The following EML5 variants were observed in gnomAD, a reference collection of about 807,000 sequenced individuals.
EML5 encodes the protein EMAP like 5, also known as echinoderm microtubule-associated protein-like 5.
EML5 carries 120 observed loss-of-function variants against 250.0 expected under a neutral mutation model. That is an observed-to-expected ratio of 0.48 (90% CI 0.41 to 0.56). The LOEUF (loss-of-function observed/expected upper bound fraction) is 0.56, where lower values mean the gene tolerates loss of function less well. Among genes scored for constraint, EML5 ranks in the 20% least tolerant of loss-of-function variants. The pLI is 0.00. For synonymous variants in EML5, 771 were observed against 806.5 expected (o/e 0.96, Z 0.75); for missense variants, 2,006 against 2,437.6 (o/e 0.82, Z 3.73).
intron 21 of EML5, among the ~76,000 whole-genome samples, chr14:88,680,315 G>C (rs2092690436): frequency 6.6e-6 from 1 of 151,770 alleles, no homozygotes; most frequent in African/African-American, 2.4e-5. Context: ...TATCTCAGGA[G>C]AAAAAAACAG....
Position 88,646,880 on chromosome 14 carries a change from A to G in EML5, c.4028+67T>C, listed in dbSNP as rs375374450. 1.5e-4 allele frequency: 234 copies of G among 1,523,148 alleles called. No homozygotes were observed. The African/African-American group carries it at 2.9e-3, about 19-fold the overall frequency. 94.4% of individuals were successfully genotyped at this position (1,523,148 alleles called of 1,614,324 possible). ...AACACTAAGTAACAGTATCCCATTA[A>G]TGCTAAATATGGAAGATGACAAAAA... On this transcript the variant is annotated intron_variant, in intron 29 of 43. Coordinates refer to ENST00000554922, the MANE Select transcript of EML5 (RefSeq NM_183387.3).
intron 4 of EML5, among the ~76,000 whole-genome samples, chr14:88,743,398 CA>C (rs557573283): frequency 1.8e-4 from 26 of 148,234 alleles, no homozygotes; most frequent in Non-Finnish European, 2.7e-4. Flanking sequence ...CATTATTTGT[CA>C]AAAAAAAAAT....
chr14:88,739,073 GA>G (rs1313721556), intron 5 of EML5, 59 bp from the exon 6 acceptor site: 1 of 1,480,788 alleles, frequency 6.8e-7, no homozygotes, highest in African/African-American at 1.4e-5. Flanking sequence ...TCTACTATAT[GA>G]AGGTAGAAAC....
chr14:88,705,630 T>C (rs766194649), intron 11 of EML5, 42 bp from the exon 12 acceptor site: 11 of 1,435,536 alleles, frequency 7.7e-6, no homozygotes, highest in Non-Finnish European at 1.0e-5. Flanking sequence ...TTAAAGAAGA[T>C]TCATTTTCAA....
At chr14:88,745,077 G>A (rs1178169644) in intron 3 of EML5, among the ~76,000 whole-genome samples, 3 of 151,934 alleles carry the variant, frequency 2.0e-5, no homozygotes, top group Non-Finnish European at 4.4e-5. Context: ...AAATAGTCAT[G>A]TGCAAAATGC....
At chr14:88,760,979 T>C (rs1041305219) in intron 1 of EML5, among the ~76,000 whole-genome samples, 2 of 152,196 alleles carry the variant, frequency 1.3e-5, no homozygotes, top group African/African-American at 4.8e-5. Context: ...ATATAACTAA[T>C]TTACGTATGT....
chr14:88,708,430 T>C (rs561143299), intron 10 of EML5, among the ~76,000 whole-genome samples: 3 of 152,306 alleles, frequency 2.0e-5, no homozygotes, highest in South Asian at 2.1e-4. Flanking sequence ...CAGTGGTGTC[T>C]TGTTTAATAT....
At position 88,726,582 on chromosome 14, in the gene EML5, G is replaced by A. The variant is rs372933962; in HGVS notation, c.1146C>T (p.Ala382=). Residue 382 remains alanine (A), a synonymous_variant, in exon 8 of 44, where the codon GCC becomes GCT. Coordinates refer to ENST00000554922, the MANE Select transcript of EML5 (RefSeq NM_183387.3). ...AAVNADGIHL[A]LGMKDGSFTV... ...TGAATGAGCCATCCTTCATTCCAAG[G>A]GCAAGATGGATTCCATCTGCATTGA... is the stretch of plus-strand genomic sequence containing the variant. 1.1e-5 allele frequency: 17 copies of A among 1,602,530 alleles called. No individual in the cohort carries two copies. Among genetic ancestry groups the A allele is most frequent in the Middle Eastern group, 1.6e-4 (1 of 6,064 alleles).
chr14:88,717,473 A>G (rs910686114), intron 8 of EML5, among the ~76,000 whole-genome samples: 1 of 152,278 alleles, frequency 6.6e-6, no homozygotes, highest in East Asian at 1.9e-4. Context: ...TAAAAAACAA[A>G]TAAGGCTGGG....
At chr14:88,734,848 C>A (rs571664598) in intron 7 of EML5, among the ~76,000 whole-genome samples, 5 of 151,794 alleles carry the variant, frequency 3.3e-5, no homozygotes, top group African/African-American at 9.6e-5. Context: ...GTAAGAAGAA[C>A]AAAAAGGGAA....
Position 88,715,108 on chromosome 14 carries a change from A to T in EML5, c.1275T>A (p.Val425=). Residue 425 remains valine, a synonymous_variant, in exon 9 of 44, where the codon GTT becomes GTA. Transcript: ENST00000554922. ...TATCAACCGAGCTGTCATTGCATCCAACAGCAAGGTAAGTTCCATCTGGTG... is the reference window on the plus strand; with the variant it reads ...TATCAACCGAGCTGTCATTGCATCCTACAGCAAGGTAAGTTCCATCTGGTG... ...KYSPDGTYLA[V]GCNDSSVDIY... is the part of the protein sequence containing the mutation. The T allele has an allele frequency of 6.2e-7, 1 of 1,613,594 alleles. No individual in the cohort carries two copies. Among genetic ancestry groups the T allele is most frequent in the Non-Finnish European group, 8.5e-7 (1 of 1,179,692 alleles).
intron 1 of EML5, among the ~76,000 whole-genome samples, chr14:88,779,417 T>C (rs1473949774): frequency 6.6e-6 from 1 of 152,214 alleles, no homozygotes; most frequent in East Asian, 1.9e-4. Flanking sequence ...TAATGTCCAA[T>C]AGTATCAACA....
intron 33 of EML5, among the ~76,000 whole-genome samples, chr14:88,628,227 T>A (rs2140434567): frequency 6.6e-6 from 1 of 152,238 alleles, no homozygotes; most frequent in Non-Finnish European, 1.5e-5. Context: ...AGTACTGATG[T>A]TATCTGAAAG....
At chr14:88,781,556 T>C (rs1284160897) in intron 1 of EML5, among the ~76,000 whole-genome samples, 1 of 152,210 alleles carries the variant, frequency 6.6e-6, no homozygotes, top group Non-Finnish European at 1.5e-5. Context: ...TATGGTTTAG[T>C]TGTGTCCCCA....
At chr14:88,743,004 TA>T (rs1444527693) in intron 4 of EML5, among the ~76,000 whole-genome samples, 2 of 152,082 alleles carry the variant, frequency 1.3e-5, no homozygotes. Context: ...TCCAATGATT[TA>T]AAAGTAACTA....
At position 88,788,100 on chromosome 14, in the gene EML5, A is replaced by G. The variant is rs1255793161; in HGVS notation, c.197+4207T>C. ...TTTGGGAAATCATGAGCATGTATCT[A>G]GAAGCATTAAGTAGACTACAAGTAG... On this transcript the variant is annotated intron_variant, in intron 1 of 43. Transcript: ENST00000554922. Among the ~76,000 whole-genome samples, 5 of 152,220 alleles carry G rather than the reference A, an allele frequency of 3.3e-5. No homozygotes were observed. In the South Asian group the frequency reaches 8.3e-4, roughly 25 times the overall value.
Position 88,717,832 on chromosome 14 carries a change from A to G in EML5, c.1188-2637T>C, listed in dbSNP as rs565838984. Among the ~76,000 whole-genome samples, 26 of 152,336 alleles carry G rather than the reference A, an allele frequency of 1.7e-4. 1 individual carries two copies. In the South Asian group the frequency reaches 5.2e-3, roughly 30 times the overall value. ...AGTAATAGGATCAAAACCAATTAAA[A>G]GGTTACTGCAGATGATGGTTTCTCA... On this transcript the variant is annotated intron_variant, in intron 8 of 43. Coordinates refer to ENST00000554922, the MANE Select transcript of EML5 (RefSeq NM_183387.3).
chr14:88,685,281 G>T, intron 19 of EML5, 139 bp from the exon 20 acceptor site: 1 of 625,884 alleles, frequency 1.6e-6, no homozygotes, highest in Non-Finnish European at 2.5e-6. Flanking sequence ...TCTAATAAAT[G>T]TACTATATTA....
At chr14:88,623,668 TC>T in intron 36 of EML5, 1 of 152,394 alleles carries the variant, frequency 6.6e-6, no homozygotes, top group Non-Finnish European at 1.5e-5. Flanking sequence ...CACCTCGGCC[TC>T]CCAAAGTGTT....
Sources: gnomAD v4.1 joint callset for allele counts (sites outside exome capture counted in the v4.1 genomes callset) on GRCh38, gnomAD v4.1.1 for gene constraint, MANE v1.5 for transcripts, NCBI Gene and HGNC (gene_info 2026-07-23, HGNC 2026-07-21) for gene names.